Variants in NOCT observed in about 807,000 individuals in gnomAD.
The protein encoded by NOCT is nocturnin.
A neutral mutation model predicts 35.0 loss-of-function variants in NOCT; 18 were observed. That is an observed-to-expected ratio of 0.51 (90% confidence interval 0.36 to 0.76). The LOEUF (loss-of-function observed/expected upper bound fraction) is 0.76. Among genes scored for constraint, NOCT ranks in the 30% least tolerant of loss-of-function variants. The pLI, the probability that NOCT is intolerant of heterozygous loss-of-function variation, is 0.01. For synonymous variants in NOCT, 235 were observed against 226.3 expected (o/e 1.04, Z -0.34); for missense variants, 479 against 541.0 (o/e 0.89, Z 1.14).
At chr4:139,038,964 C>G (rs1188985124) in intron 1 of NOCT, among the ~76,000 whole-genome samples, 1 of 151,918 alleles carries the variant, frequency 6.6e-6, no homozygotes, top group Non-Finnish European at 1.5e-5. Flanking sequence ...AATATTTAGG[C>G]TCTGTGGGCC....
At position 139,043,118 on chromosome 4, in the gene NOCT, G is replaced by A. The variant is rs1021607953; in HGVS notation, c.235G>A (p.Ala79Thr). 19 of 1,613,596 alleles carry A rather than the reference G, an allele frequency of 1.2e-5. No homozygotes were observed. Among genetic ancestry groups the A allele is most frequent in the East Asian group, 2.2e-5 (1 of 44,860 alleles). ...TGTSRLYSAL[A>T]KTLNSSAASQ... ...TACAAGCAGACTCTATAGTGCTCTC[G>A]CCAAGACACTGAACAGCAGCGCTGC... The change falls in exon 2 of 3, where the codon GCC becomes ACC. Residue 79 changes from alanine (A) to threonine (T), a missense_variant. This residue lies in a region of NOCT where 265 missense variants were observed against 257.0 expected (regional missense o/e 1.03). Coordinates refer to ENST00000280614, the MANE Select transcript of NOCT (RefSeq NM_012118.4).
intron 1 of NOCT, among the ~76,000 whole-genome samples, chr4:139,017,348 C>T (rs1448713299): frequency 6.6e-6 from 1 of 150,954 alleles, no homozygotes; most frequent in African/African-American, 2.4e-5. Context: ...CTGCCTCAAC[C>T]TCCCGAGAAG....
chr4:139,016,239 G>C, intron 1 of NOCT, 68 bp downstream of exon 1: 1 of 1,073,236 alleles, frequency 9.3e-7, no homozygotes, highest in Non-Finnish European at 1.2e-6. Flanking sequence ...CCTGGAGACC[G>C]CGCGGAATGA....
At chr4:139,018,003 G>A (rs1360285149) in intron 1 of NOCT, among the ~76,000 whole-genome samples, 1 of 151,964 alleles carries the variant, frequency 6.6e-6, no homozygotes, top group Non-Finnish European at 1.5e-5. Context: ...GCCCAACTTA[G>A]TCATTTTAAA....
chr4:139,017,249 C>CG (rs1318920016), intron 1 of NOCT, among the ~76,000 whole-genome samples: 1 of 113,920 alleles, frequency 8.8e-6, no homozygotes, highest in African/African-American at 3.3e-5. Flanking sequence ...TTTTTTGAGA[C>CG]GGAGTTTTGC....
chr4:139,040,696 C>G (rs1389578509), intron 1 of NOCT, among the ~76,000 whole-genome samples: 1 of 152,110 alleles, frequency 6.6e-6, no homozygotes, highest in Non-Finnish European at 1.5e-5. Flanking sequence ...AAGCCCAGAG[C>G]CTGACAGGTG....
intron 1 of NOCT, among the ~76,000 whole-genome samples, chr4:139,032,378 C>T (rs1017312795): frequency 6.6e-6 from 1 of 152,078 alleles, no homozygotes; most frequent in African/African-American, 2.4e-5. Context: ...TATGGCTGGC[C>T]CATTGCCGTG....
At chr4:139,030,986 C>T (rs1221623972) in intron 1 of NOCT, among the ~76,000 whole-genome samples, 1 of 152,056 alleles carries the variant, frequency 6.6e-6, no homozygotes, top group Non-Finnish European at 1.5e-5. Context: ...GGTTTTTAAT[C>T]AGCGTTTTTG....
intron 1 of NOCT, among the ~76,000 whole-genome samples, chr4:139,027,470 A>T (rs1197720773): frequency 6.6e-6 from 1 of 151,914 alleles, no homozygotes. Context: ...TGTAGTGTGA[A>T]AGCAGCTATA....
chr4:139,016,994 C>T (rs1241442958), intron 1 of NOCT, among the ~76,000 whole-genome samples: 2 of 81,400 alleles, frequency 2.5e-5, no homozygotes, highest in Non-Finnish European at 2.4e-5. Flanking sequence ...GAGGCTTCCA[C>T]TCTTTATAGT....
chr4:139,020,546 A>AG (rs371433418), intron 1 of NOCT, among the ~76,000 whole-genome samples: 66 of 152,336 alleles, frequency 4.3e-4, no homozygotes, highest in Middle Eastern at 3.4e-3. Flanking sequence ...GGGTAGAGGC[A>AG]GAATCATTTG....
intron 1 of NOCT, among the ~76,000 whole-genome samples, chr4:139,018,750 G>A (rs765046040): frequency 3.9e-5 from 6 of 152,184 alleles, no homozygotes; most frequent in Non-Finnish European, 8.8e-5. Context: ...ACAATGAAAT[G>A]GCTGTTTAAT....
chr4:139,033,811 T>TA (rs1726669239), intron 1 of NOCT, among the ~76,000 whole-genome samples: 1 of 152,086 alleles, frequency 6.6e-6, no homozygotes, highest in Non-Finnish European at 1.5e-5. Context: ...CATGGTTCAC[T>TA]GCAACTTCCA....
At chr4:139,041,887 G>A (rs186351109) in intron 1 of NOCT, among the ~76,000 whole-genome samples, 10 of 151,988 alleles carry the variant, frequency 6.6e-5, no homozygotes, top group African/African-American at 2.4e-4. Context: ...CCCAAGCCTT[G>A]ATTTACACTT....
At chr4:139,026,265 C>G (rs1345656648) in intron 1 of NOCT, among the ~76,000 whole-genome samples, 1 of 152,078 alleles carries the variant, frequency 6.6e-6, no homozygotes, top group African/African-American at 2.4e-5. Flanking sequence ...CCACGCCCAG[C>G]TAATTTTGTG....
intron 2 of NOCT, chr4:139,044,039 G>C (rs1332103819): frequency 6.7e-6 from 1 of 148,706 alleles, no homozygotes; most frequent in East Asian, 1.9e-4. Flanking sequence ...TCTTTCCTGG[G>C]TCTGCCAAAT....
rs189937665 is a variant in NOCT, at chr4:139,038,085, A to G, written c.191-4989A>G. 5.6e-3 allele frequency among the ~76,000 whole-genome samples: 854 copies of G among 152,160 alleles called. 3 individuals are homozygous for G. Among genetic ancestry groups the G allele is most frequent in the Non-Finnish European group, 8.6e-3 (586 of 68,014 alleles). On this transcript the variant is annotated intron_variant, in intron 1 of 2. Transcript: ENST00000280614. ...CGTGGTAGAACAAACCTGTAGTCCC[A>G]ACTCCTCGGGAGGCTGAGGAAGGAG...
Position 139,043,202 on chromosome 4 carries a change from C to T in NOCT, c.319C>T (p.Pro107Ser). The T allele has an allele frequency of 6.2e-7, 1 of 1,614,148 alleles. No individual in the cohort carries two copies. The highest frequency in any genetic ancestry group is 2.2e-5 in the East Asian group (1 of 44,878). The change falls in exon 2 of 3, where the codon CCT (proline) becomes TCT (serine). Residue 107 changes from proline (P) to serine (S), a missense_variant. Physicochemically the swap from Pro to Ser is moderately conservative, Grantham distance 74. Transcript: ENST00000280614. ...CCCAGAGCATCTGGAGCCCATTGAT[C>T]CTAAAGAGCTTCTTGAGGAATGCAG... ...PDPEHLEPID[P>S]KELLEECRAV...
intron 1 of NOCT, among the ~76,000 whole-genome samples, chr4:139,021,714 C>T (rs538851147): frequency 1.1e-4 from 17 of 150,526 alleles, no homozygotes; most frequent in East Asian, 5.9e-4. Flanking sequence ...GGAGATACAG[C>T]GTCTGTATTT....
Sources: gnomAD v4.1 joint callset for allele counts (sites outside exome capture counted in the v4.1 genomes callset) on GRCh38, gnomAD v4.1.1 for gene constraint, gnomAD v4.1.1 regional missense constraint, MANE v1.5 for transcripts, NCBI Gene and HGNC (gene_info 2026-07-23, HGNC 2026-07-21) for gene names.